Variants in PCDHGA4 observed in about 807,000 individuals in gnomAD.
PCDHGA4 encodes the protein protocadherin gamma-A4.
PCDHGA4 carries 38 observed loss-of-function variants against 54.6 expected under a neutral mutation model. The observed-to-expected ratio is 0.70, with a 90% CI of 0.54 to 0.91. The LOEUF (loss-of-function observed/expected upper bound fraction) is 0.91, where lower values mean the gene tolerates loss of function less well. Ranked by LOEUF, PCDHGA4 falls within the 40% of genes least tolerant of loss-of-function variation. The probability of loss-of-function intolerance (pLI) is 0.00; values close to 1 mark genes in which losing one functional copy is unlikely to be tolerated. For missense variants in PCDHGA4, 1,298 were observed against 1,220.9 expected, an observed-to-expected ratio of 1.06 and a Z score of -0.94; for synonymous variants, 511 against 512.9, an observed-to-expected ratio of 1.00 and a Z score of 0.05.
intron 1 of PCDHGA4, chr5:141,413,097 C>T (rs531228946): frequency 1.4e-6 from 2 of 1,447,922 alleles, no homozygotes; most frequent in African/African-American, 1.4e-5. Flanking sequence ...CACCCTGAAG[C>T]CACAGAAAGA....
intron 1 of PCDHGA4, among the ~76,000 whole-genome samples, chr5:141,457,155 A>G (rs1403164805): frequency 1.3e-5 from 2 of 152,216 alleles, no homozygotes; most frequent in Admixed American, 6.5e-5. Flanking sequence ...AGAAGGTGCT[A>G]CCATGGATAA....
chr5:141,398,783 A>G (rs1300541880), intron 1 of PCDHGA4: 4 of 1,613,944 alleles, frequency 2.5e-6, no homozygotes, highest in Non-Finnish European at 3.4e-6. Flanking sequence ...GACGGTGGAC[A>G]TCCACCCCTA....
intron 1 of PCDHGA4, among the ~76,000 whole-genome samples, chr5:141,458,063 G>A (rs1011861177): frequency 1.3e-5 from 2 of 152,190 alleles, no homozygotes; most frequent in African/African-American, 4.8e-5. Context: ...CTGCACTGAT[G>A]CGAACAACTA....
In PCDHGA4 at chr5:141,431,766, C is replaced by T. The variant is rs1474420822; in HGVS notation, c.2515-63041C>T. Reference sequence around the variant, plus strand: ...TCTGCGCGAGCCAAAGTCCTGATCACTGTTCTGGACGTGAACGACAATGCC... The same window carrying T: ...TCTGCGCGAGCCAAAGTCCTGATCATTGTTCTGGACGTGAACGACAATGCC... On this transcript the variant is annotated intron_variant, in intron 1 of 3. Transcript: ENST00000571252. The surrounding 1 kb of genome is among the most constrained non-coding windows in gnomAD (Gnocchi z 4.8). 2.5e-6 allele frequency: 4 copies of T among 1,614,196 alleles called. No individual in the cohort carries two copies. Among genetic ancestry groups the T allele is most frequent in the Non-Finnish European group, 3.4e-6 (4 of 1,180,010 alleles).
Position 141,355,214 on chromosome 5 carries a change from C to A in PCDHGA4, c.107C>A (p.Pro36His), listed in dbSNP as rs1561508091. The change falls in exon 1 of 4, where the codon CCT (proline) becomes CAT (histidine). Residue 36 changes from proline (P) to histidine (H), a missense_variant. Physicochemically the swap from Pro to His is moderately conservative, Grantham distance 77. Coordinates refer to ENST00000571252, the MANE Select transcript of PCDHGA4 (RefSeq NM_018917.4). Reference protein sequence around the residue: ...LRGGVVMAAPPARPDHTRLLQ... With the variant: ...LRGGVVMAAPHARPDHTRLLQ... Reference sequence around the variant, plus strand: ...GGCGGGGTTGTAATGGCGGCGCCTCCTGCTCGCCCAGACCACACCCGGCTG... The same window carrying A: ...GGCGGGGTTGTAATGGCGGCGCCTCATGCTCGCCCAGACCACACCCGGCTG... 1 of 1,601,954 alleles carries A rather than the reference C, an allele frequency of 6.2e-7. No individual in the cohort carries two copies. The highest frequency in any genetic ancestry group is 1.7e-5 in the Admixed American group (1 of 59,100).
Position 141,416,159 on chromosome 5 carries a change from T to C in PCDHGA4, c.2514+58538T>C, listed in dbSNP as rs116406525. ...CTATACTTTGTGGTGATAGTTGCAG[T>C]TGAATATACTAAGTTTTTCATTAAT... On this transcript the variant is annotated intron_variant, in intron 1 of 3. Transcript: ENST00000571252. 1,471 of 153,024 alleles carry C rather than the reference T, an allele frequency of 9.6e-3. 10 individuals carry two copies. Among genetic ancestry groups the C allele is most frequent in the Non-Finnish European group, 0.015 (1,026 of 68,518 alleles). 9.5% of individuals were successfully genotyped at this position (153,024 alleles called of 1,614,324 possible).
chr5:141,497,596 G>C (rs920597006), intron 2 of PCDHGA4, among the ~76,000 whole-genome samples: 1 of 149,648 alleles, frequency 6.7e-6, no homozygotes, highest in Admixed American at 6.7e-5. Context: ...CTGGAGTGCA[G>C]TGGTGCGATC....
rs371995922 is a variant in PCDHGA4 at position 141,395,132 on chromosome 5, C to T, written c.2514+37511C>T. ...AGAGTCACCTGATCTTTCCCCAGCC[C>T]AACTACGCAGACATGCTCATCAGTC... On this transcript the variant is annotated intron_variant, in intron 1 of 3. Transcript: ENST00000571252. 8.7e-6 allele frequency: 14 copies of T among 1,614,068 alleles called. No homozygotes were observed. The African/African-American group carries it at 1.6e-4, about 18-fold the overall frequency.
At position 141,418,010 on chromosome 5, in the gene PCDHGA4, G is replaced by T. The variant is rs185303697; in HGVS notation, c.2514+60389G>T. Reference sequence around the variant, plus strand: ...CAAGGGCTCGGTGGTGGGGAACCTCGCTAAGGATCTAGGGCTTAGTGTCCT... The same window carrying T: ...CAAGGGCTCGGTGGTGGGGAACCTCTCTAAGGATCTAGGGCTTAGTGTCCT... On this transcript the variant is annotated intron_variant, in intron 1 of 3. Coordinates refer to ENST00000571252, the MANE Select transcript of PCDHGA4 (RefSeq NM_018917.4). 2.9e-5 allele frequency: 46 copies of T among 1,613,912 alleles called. No individual in the cohort carries two copies. The Middle Eastern group carries it at 5.0e-4, about 17-fold the overall frequency.
At chr5:141,468,853 G>C (rs893773356) in intron 1 of PCDHGA4, among the ~76,000 whole-genome samples, 5 of 150,898 alleles carry the variant, frequency 3.3e-5, no homozygotes, top group Non-Finnish European at 7.4e-5. Flanking sequence ...GCAACAGAGC[G>C]AGACTCCATC....
At position 141,371,310 on chromosome 5, in the gene PCDHGA4, G is replaced by C. The variant is rs371403587; in HGVS notation, c.2514+13689G>C. ...AACGGGGGAACTCACCACTATTGGA[G>C]AACTGGACTTTGAAGAGAGAGATAG... On this transcript the variant is annotated intron_variant, in intron 1 of 3. Coordinates refer to ENST00000571252, the MANE Select transcript of PCDHGA4 (RefSeq NM_018917.4). 3.1e-6 allele frequency: 5 copies of C among 1,613,874 alleles called. No individual in the cohort carries two copies. Among genetic ancestry groups the C allele is most frequent in the Non-Finnish European group, 4.2e-6 (5 of 1,179,886 alleles).
chr5:141,384,981 G>T (rs1780732379), intron 1 of PCDHGA4: 1 of 1,614,142 alleles, frequency 6.2e-7, no homozygotes, highest in Non-Finnish European at 8.5e-7. Context: ...TGTACCTGGT[G>T]GTGGCGGTGG....
intron 2 of PCDHGA4, among the ~76,000 whole-genome samples, chr5:141,499,686 T>G (rs1400567357): frequency 1.3e-5 from 2 of 149,346 alleles, no homozygotes; most frequent in Non-Finnish European, 3.0e-5. Flanking sequence ...CTTTAACAGA[T>G]GACTTTTTTT....
At chr5:141,383,102 C>T (rs991434235) in intron 1 of PCDHGA4, 1 of 1,614,004 alleles carries the variant, frequency 6.2e-7, no homozygotes, top group Non-Finnish European at 8.5e-7. Context: ...CGCATCATCT[C>T]CAGAGGTAGG....
intron 1 of PCDHGA4, chr5:141,365,374 C>T: frequency 6.2e-7 from 1 of 1,613,926 alleles, no homozygotes; most frequent in Non-Finnish European, 8.5e-7. Context: ...CCGAAGTGAT[C>T]CTCACCTCTC....
intron 1 of PCDHGA4, chr5:141,384,729 G>C: frequency 6.2e-7 from 1 of 1,614,122 alleles, no homozygotes; most frequent in Middle Eastern, 1.7e-4. Flanking sequence ...TCCTGCTTAA[G>C]GCCAGCGAGC....
At chr5:141,377,416 G>A (rs1455830122) in intron 1 of PCDHGA4, 5 of 151,976 alleles carry the variant, frequency 3.3e-5, no homozygotes, top group Non-Finnish European at 5.9e-5. Context: ...GACCAGCCTG[G>A]GTGACTCTGT....
intron 1 of PCDHGA4, chr5:141,423,100 G>C (rs2096709499): frequency 6.2e-7 from 1 of 1,613,944 alleles, no homozygotes; most frequent in Non-Finnish European, 8.5e-7. Context: ...GGAGCACACG[G>C]GCGAGGTGCG....
At chr5:141,396,515 G>A (rs1162905890) in intron 1 of PCDHGA4, 3 of 152,048 alleles carry the variant, frequency 2.0e-5, no homozygotes, top group Non-Finnish European at 4.4e-5. Flanking sequence ...AGCTACTCGG[G>A]AGGCTGAGGC....
Sources: gnomAD v4.1 joint callset for allele counts (sites outside exome capture counted in the v4.1 genomes callset) on GRCh38, gnomAD v4.1.1 for gene constraint, Gnocchi (gnomAD v3.1) non-coding constraint, MANE v1.5 for transcripts, NCBI Gene and HGNC (gene_info 2026-07-23, HGNC 2026-07-21) for gene names.